Variants in DCC observed in about 807,000 individuals in gnomAD.
DCC encodes the protein DCC netrin 1 receptor, also known as netrin receptor DCC.
A neutral mutation model predicts 172.5 loss-of-function variants in DCC; 58 were observed. The ratio of observed to expected loss-of-function variants is 0.34; its 90% confidence interval spans 0.27 to 0.42. DCC has a LOEUF of 0.42. Among genes scored for constraint, DCC ranks in the 10% least tolerant of loss-of-function variants. The pLI is 1.00. For synonymous variants in DCC, 709 were observed against 644.5 expected (o/e 1.10, Z -1.52); for missense variants, 1,740 against 1,791.0 (o/e 0.97, Z 0.51).
intron 7 of DCC, among the ~76,000 whole-genome samples, chr18:53,119,179 C>T (rs1213816536): frequency 2.0e-5 from 3 of 151,820 alleles, no homozygotes; most frequent in African/African-American, 7.3e-5. Flanking sequence ...AGTATTACTA[C>T]AGTGGGTCAA....
chr18:53,216,960 T>A (rs562731712), intron 12 of DCC, among the ~76,000 whole-genome samples: 1 of 152,248 alleles, frequency 6.6e-6, no homozygotes, highest in South Asian at 2.1e-4. Flanking sequence ...TTATTGTATG[T>A]TGTTAATGAA....
intron 1 of DCC, among the ~76,000 whole-genome samples, chr18:52,731,806 T>C (rs1055748674): frequency 1.3e-5 from 2 of 152,164 alleles, no homozygotes; most frequent in African/African-American, 4.8e-5. Flanking sequence ...TGCTCTGTGA[T>C]TTACTTATTT....
At chr18:53,036,741 G>C (rs1310945853) in intron 5 of DCC, among the ~76,000 whole-genome samples, 1 of 151,958 alleles carries the variant, frequency 6.6e-6, no homozygotes, top group East Asian at 1.9e-4. Flanking sequence ...GCGTGGAGAA[G>C]GCAAATGAGA....
chr18:52,365,649 C>T lies in DCC; in HGVS notation c.91+24771C>T, dbSNP rs73955615. On this transcript the variant is annotated intron_variant, in intron 1 of 28. Coordinates refer to ENST00000442544, the MANE Select transcript of DCC (RefSeq NM_005215.4). ...TAAACTGGGTTGCAACTAAGTCCTC[C>T]TTCTCCACTGTAGTCAGATATTACT... Among the ~76,000 whole-genome samples, 1,036 of 152,264 alleles carry T rather than the reference C, an allele frequency of 6.8e-3. 14 individuals are homozygous for T. Among genetic ancestry groups the T allele is most frequent in the African/African-American group, 0.024 (982 of 41,538 alleles).
intron 1 of DCC, among the ~76,000 whole-genome samples, chr18:52,421,677 A>G (rs1987253753): frequency 6.6e-6 from 1 of 152,200 alleles, no homozygotes; most frequent in African/African-American, 2.4e-5. Flanking sequence ...TTGAAAAGTT[A>G]CCAAGTGGTT....
At chr18:53,028,493 C>A (rs1481376460) in intron 5 of DCC, among the ~76,000 whole-genome samples, 1 of 151,990 alleles carries the variant, frequency 6.6e-6, no homozygotes, top group African/African-American at 2.4e-5. Context: ...AAGTATTTTA[C>A]CAGAAATTAT....
chr18:53,123,871 G>C (rs2043518344), intron 7 of DCC, among the ~76,000 whole-genome samples: 1 of 151,946 alleles, frequency 6.6e-6, no homozygotes, highest in African/African-American at 2.4e-5. Context: ...TTCTTGGCTG[G>C]AATTAAGTCC....
chr18:52,517,102 C>T (rs1026785066), intron 1 of DCC, among the ~76,000 whole-genome samples: 12 of 152,188 alleles, frequency 7.9e-5, no homozygotes, highest in Admixed American at 3.9e-4. Flanking sequence ...TTTCAGGAAG[C>T]TTTGCATGTG....
intron 21 of DCC, among the ~76,000 whole-genome samples, chr18:53,429,010 ATTTTATATATTTTTTATATAATATATATT>A (rs1911374004): frequency 1.3e-5 from 1 of 74,092 alleles, no homozygotes; most frequent in Non-Finnish European, 2.5e-5. Flanking sequence ...TATAATATAT[ATTTTATATATTTTTTATATAATATATATT>A]TTATATATAA....
At chr18:52,929,817 A>AAC (rs34457182) in intron 5 of DCC, among the ~76,000 whole-genome samples, 6,665 of 144,746 alleles carry the variant, frequency 0.046, 197 homozygotes, top group African/African-American at 0.087. Flanking sequence ...GGACTTTGCA[A>AAC]ACACACACAC....
At chr18:52,580,196 G>T (rs2033511510) in intron 1 of DCC, among the ~76,000 whole-genome samples, 1 of 152,162 alleles carries the variant, frequency 6.6e-6, no homozygotes, top group Admixed American at 6.5e-5. Flanking sequence ...CTGACATTAT[G>T]CTTGATTCAA....
At chr18:52,893,108 G>A (rs1256746834) in intron 2 of DCC, among the ~76,000 whole-genome samples, 1 of 152,062 alleles carries the variant, frequency 6.6e-6, no homozygotes, top group African/African-American at 2.4e-5. Context: ...AAGGCTTTGG[G>A]CAGACTACTC....
intron 1 of DCC, among the ~76,000 whole-genome samples, chr18:52,435,945 G>A (rs929164427): frequency 1.3e-5 from 2 of 152,142 alleles, no homozygotes; most frequent in African/African-American, 4.8e-5. Context: ...CCTTCTAAAC[G>A]ATCAGATGAC....
chr18:53,287,235 C>G (rs1598985217), intron 12 of DCC, among the ~76,000 whole-genome samples: 2 of 152,266 alleles, frequency 1.3e-5, no homozygotes, highest in South Asian at 4.1e-4. Context: ...GAATTATACA[C>G]TATGTGGTCT....
At chr18:52,788,597 T>C (rs1252565613) in intron 2 of DCC, among the ~76,000 whole-genome samples, 2 of 152,212 alleles carry the variant, frequency 1.3e-5, no homozygotes, top group Admixed American at 6.5e-5. Context: ...TAAGTGCTTA[T>C]TTTTCTTTAA....
Position 52,952,253 on chromosome 18 carries a change from G to A in DCC, c.985+26883G>A, listed in dbSNP as rs375273498. Among the ~76,000 whole-genome samples the A allele has an allele frequency of 5.9e-5, 9 of 152,036 alleles. No individual in the cohort carries two copies. The East Asian group carries it at 1.4e-3, about 23-fold the overall frequency. ...ATATTTTCTCAAGTATTTTCAACTT[G>A]AAAAGGAGTATATGAACACTAAAAA... On this transcript the variant is annotated intron_variant, in intron 5 of 28. Transcript: ENST00000442544.
intron 1 of DCC, among the ~76,000 whole-genome samples, chr18:52,363,081 T>A (rs143564193): frequency 0.011 from 1,750 of 152,276 alleles, 31 homozygotes; most frequent in East Asian, 0.066. Context: ...TTTTGCCATG[T>A]TGGCCAGGCT....
chr18:53,159,607 T>C (rs539994673), intron 8 of DCC, among the ~76,000 whole-genome samples: 1 of 152,332 alleles, frequency 6.6e-6, no homozygotes, highest in Admixed American at 6.5e-5. Context: ...TATATGCACA[T>C]GGAACTTCAG....
chr18:52,863,150 C>A (rs7232877), intron 2 of DCC, among the ~76,000 whole-genome samples: 1 of 151,872 alleles, frequency 6.6e-6, no homozygotes, highest in African/African-American at 2.4e-5. Flanking sequence ...CTTTTAAAAA[C>A]CTTTAGCCAG....
Sources: gnomAD v4.1 joint callset for allele counts (sites outside exome capture counted in the v4.1 genomes callset) on GRCh38, gnomAD v4.1.1 for gene constraint, MANE v1.5 for transcripts, NCBI Gene and HGNC (gene_info 2026-07-23, HGNC 2026-07-21) for gene names.